The following CSGALNACT1 variants were observed in gnomAD, a reference collection of about 807,000 sequenced individuals.
CSGALNACT1 encodes the protein chondroitin sulfate N-acetylgalactosaminyltransferase 1, also known as beta4GalNAcT-1.
Under a neutral mutation model 51.0 loss-of-function variants are expected in CSGALNACT1, and 52 were observed. The observed-to-expected ratio is 1.02, with a 90% CI of 0.82 to 1.29. CSGALNACT1 has a LOEUF of 1.29. Ranked by LOEUF, CSGALNACT1 falls within the 50% of genes most tolerant of loss-of-function variation. CSGALNACT1 has a pLI of 0.00. For missense variants in CSGALNACT1, 935 were observed against 679.2 expected, an observed-to-expected ratio of 1.38 and a Z score of -4.19; for synonymous variants, 341 against 254.4, an observed-to-expected ratio of 1.34 and a Z score of -3.24.
At chr8:19,511,226 C>T (rs2078402907) in intron 3 of CSGALNACT1, among the ~76,000 whole-genome samples, 1 of 152,232 alleles carries the variant, frequency 6.6e-6, no homozygotes, top group Admixed American at 6.5e-5. Context: ...CAAGACATCT[C>T]CACCCCGTGT....
At chr8:19,516,338 T>C (rs530433242) in intron 3 of CSGALNACT1, among the ~76,000 whole-genome samples, 33 of 152,260 alleles carry the variant, frequency 2.2e-4, no homozygotes, top group Admixed American at 2.2e-3. Flanking sequence ...CCCAGCTCCG[T>C]CTGATTCTTA....
chr8:19,406,678 G>C (rs1040994689), intron 9 of CSGALNACT1, among the ~76,000 whole-genome samples: 1 of 144,098 alleles, frequency 6.9e-6, no homozygotes, highest in East Asian at 2.1e-4. Context: ...CCACTTTTCA[G>C]CTTGAAACCT....
intron 2 of CSGALNACT1, among the ~76,000 whole-genome samples, chr8:19,592,559 G>C (rs576753824): frequency 6.6e-6 from 1 of 152,142 alleles, no homozygotes; most frequent in Non-Finnish European, 1.5e-5. Context: ...TGAGACCAGC[G>C]TGGGCACCAT....
At chr8:19,626,759 AGACTT>A (rs1259466445) in intron 1 of CSGALNACT1, among the ~76,000 whole-genome samples, 1 of 152,228 alleles carries the variant, frequency 6.6e-6, no homozygotes, top group African/African-American at 2.4e-5. Flanking sequence ...AGTGTGCAAA[AGACTT>A]GAACAGACAG....
chr8:19,517,270 A>G (rs1378578851), intron 3 of CSGALNACT1, among the ~76,000 whole-genome samples: 1 of 152,074 alleles, frequency 6.6e-6, no homozygotes, highest in African/African-American at 2.4e-5. Context: ...GAGAAAAACC[A>G]TCTCTACTAA....
chr8:19,686,569 T>C (rs2060990200), upstream of CSGALNACT1, among the ~76,000 whole-genome samples: 2 of 152,190 alleles, frequency 1.3e-5, no homozygotes, highest in African/African-American at 2.4e-5. Context: ...AGACTACACA[T>C]AGAAGGCAAG....
chr8:19,419,874 A>T (rs943448425), intron 7 of CSGALNACT1, among the ~76,000 whole-genome samples: 1 of 152,144 alleles, frequency 6.6e-6, no homozygotes, highest in Non-Finnish European at 1.5e-5. Flanking sequence ...TCTCATCTTG[A>T]ATTGTAGCTC....
chr8:19,756,690 C>G (rs1457589770), intron 1 of CSGALNACT1, among the ~76,000 whole-genome samples: 2 of 152,156 alleles, frequency 1.3e-5, no homozygotes, highest in South Asian at 2.1e-4. Flanking sequence ...AGCCCGGTCC[C>G]GGGCAGGCGA....
At chr8:19,625,389 A>C (rs148940106) in intron 1 of CSGALNACT1, among the ~76,000 whole-genome samples, 1 of 152,368 alleles carries the variant, frequency 6.6e-6, no homozygotes, top group East Asian at 1.9e-4. Flanking sequence ...CATTTTATAC[A>C]TGAAGAAACT....
chr8:19,496,237 A>T (rs1450496665), intron 4 of CSGALNACT1, among the ~76,000 whole-genome samples: 1 of 152,356 alleles, frequency 6.6e-6, no homozygotes, highest in East Asian at 1.9e-4. Flanking sequence ...GGGTTTTTAA[A>T]AAGAACGCCG....
chr8:19,545,109 C>G (rs150864704), intron 3 of CSGALNACT1, among the ~76,000 whole-genome samples: 85 of 152,176 alleles, frequency 5.6e-4, no homozygotes, highest in African/African-American at 1.9e-3. Flanking sequence ...TCCATGTCAC[C>G]CTGGAAGCTA....
intron 5 of CSGALNACT1, among the ~76,000 whole-genome samples, chr8:19,450,491 G>C (rs543419782): frequency 6.6e-6 from 1 of 152,196 alleles, no homozygotes; most frequent in South Asian, 2.1e-4. Context: ...TGGGGCATCC[G>C]GGGGAGAAGA....
intron 4 of CSGALNACT1, among the ~76,000 whole-genome samples, chr8:19,487,586 C>T (rs1266179313): frequency 6.6e-6 from 1 of 152,150 alleles, no homozygotes; most frequent in Non-Finnish European, 1.5e-5. Context: ...AAATGTCAGA[C>T]TTTGAAAGAC....
At chr8:19,502,393 T>C (rs564862538) in intron 4 of CSGALNACT1, among the ~76,000 whole-genome samples, 28 of 152,364 alleles carry the variant, frequency 1.8e-4, no homozygotes, top group African/African-American at 6.5e-4. Context: ...GTCAAAATCA[T>C]ACCTTCTCAA....
rs1320987167 is a variant in CSGALNACT1, at chr8:19,680,559, GCCCCACC to G, written c.-544+1907_-544+1913del. 1.7e-3 allele frequency among the ~76,000 whole-genome samples: 14 copies of G among 8,114 alleles called. 1 individual carries two copies. The highest frequency in any genetic ancestry group is 5.6e-3 in the African/African-American group (14 of 2,504). 5.3% of individuals were successfully genotyped at this position (8,114 alleles called of 152,430 possible). A position where few individuals can be genotyped will look rare whatever the true frequency, so the allele number is the denominator to read the frequency against. On this transcript the variant is annotated intron_variant, in intron 1 of 9. Coordinates refer to the CSGALNACT1 transcript ENST00000332246. ...CAACAAAGGAAGAATCTGCACCCTC[GCCCCACC>G]CCCCCCCCCCCCCACAAAAAAAGAG...
chr8:19,520,119 C>A (rs1394014915), intron 3 of CSGALNACT1, among the ~76,000 whole-genome samples: 1 of 152,140 alleles, frequency 6.6e-6, no homozygotes, highest in Admixed American at 6.5e-5. Context: ...CTCTTCCTTC[C>A]CCACCTACAA....
intron 3 of CSGALNACT1, among the ~76,000 whole-genome samples, chr8:19,550,947 T>G (rs1462647216): frequency 6.6e-6 from 1 of 152,198 alleles, no homozygotes; most frequent in Non-Finnish European, 1.5e-5. Context: ...GCAAGGGTAT[T>G]TGTCCAGACA....
intron 1 of CSGALNACT1, among the ~76,000 whole-genome samples, chr8:19,677,604 G>T (rs79878196): frequency 0.095 from 14,482 of 152,224 alleles, 805 homozygotes; most frequent in Non-Finnish European, 0.12. Context: ...GCACATTTTA[G>T]CTAGAAGGAA....
At chr8:19,579,168 G>A (rs2044990720) in intron 3 of CSGALNACT1, among the ~76,000 whole-genome samples, 1 of 152,166 alleles carries the variant, frequency 6.6e-6, no homozygotes, top group Admixed American at 6.5e-5. Flanking sequence ...TGTCACTTAG[G>A]AGAAATTCCA....
Sources: gnomAD v4.1 joint callset for allele counts (sites outside exome capture counted in the v4.1 genomes callset) on GRCh38, gnomAD v4.1.1 for gene constraint, MANE v1.5 for transcripts, NCBI Gene and HGNC (gene_info 2026-07-23, HGNC 2026-07-21) for gene names.